Variants in PCGF1 observed in about 807,000 individuals in gnomAD.
The protein encoded by PCGF1 is polycomb group ring finger 1, also known as polycomb group RING finger protein 1.
Under a neutral mutation model 38.8 loss-of-function variants are expected in PCGF1, and 10 were observed. The ratio of observed to expected loss-of-function variants is 0.26; its 90% CI spans 0.16 to 0.44. PCGF1 has a LOEUF of 0.44. PCGF1 is among the 20% of genes least tolerant of loss of function. The pLI is 1.00. For missense variants in PCGF1, 230 were observed against 331.5 expected (o/e 0.69, Z 2.38); for synonymous variants, 119 against 121.3 (o/e 0.98, Z 0.12).
At chr2:74,507,294 G>C (rs1674662493) in intron 1 of PCGF1, 147 bp from the exon 2 acceptor site, 3 of 1,467,546 alleles carry the variant, frequency 2.0e-6, no homozygotes, top group Admixed American at 4.4e-5. Context: ...CTGGGGGCTG[G>C]CACTCCCCCT....
intron 3 of PCGF1, 135 bp from the exon 4 acceptor site, chr2:74,506,387 C>A: frequency 1.2e-6 from 1 of 809,152 alleles, no homozygotes; most frequent in Non-Finnish European, 2.0e-6. Flanking sequence ...GCCATCCTGG[C>A]TAACATGGTG....
In PCGF1 at chr2:74,505,196, G is replaced by A; in HGVS notation, c.733-6C>T. Reference sequence around the variant, plus strand: ...TGTAAAAGCAAAGGGGATGGCTAAGGAGAGAATGAGGAAGTAGTAGTCAGT... The same window carrying A: ...TGTAAAAGCAAAGGGGATGGCTAAGAAGAGAATGAGGAAGTAGTAGTCAGT... On this transcript the variant is annotated splice_region_variant and splice_polypyrimidine_tract_variant and intron_variant, in intron 8 of 8. Coordinates refer to ENST00000233630, the MANE Select transcript of PCGF1 (RefSeq NM_032673.3). 1 of 1,561,630 alleles carries A rather than the reference G, an allele frequency of 6.4e-7. No homozygotes were observed. Among genetic ancestry groups the A allele is most frequent in the Non-Finnish European group, 8.7e-7 (1 of 1,153,178 alleles).
At chr2:74,506,127 A>G in intron 4 of PCGF1, 54 bp downstream of exon 4, 2 of 1,611,746 alleles carry the variant, frequency 1.2e-6, no homozygotes, top group Non-Finnish European at 1.7e-6. Flanking sequence ...AGAGAGCAAA[A>G]CTGGGCAAGA....
Position 74,507,027 on chromosome 2 carries a change from C to A in PCGF1, c.199+15G>T. On this transcript the variant is annotated intron_variant, in intron 2 of 8. Transcript: ENST00000233630. Reference sequence around the variant, plus strand: ...CTAGGGACTGGAAGAACTAGGCAGTCTCCAAGGCACTCACAAGTATGAAGA... The same window carrying A: ...CTAGGGACTGGAAGAACTAGGCAGTATCCAAGGCACTCACAAGTATGAAGA... 1 of 1,612,194 alleles carries A rather than the reference C, an allele frequency of 6.2e-7. No individual in the cohort carries two copies. The highest frequency in any genetic ancestry group is 8.5e-7 in the Non-Finnish European group (1 of 1,178,222).
chr2:74,505,236 T>C, intron 8 of PCGF1, 46 bp from the exon 9 acceptor site: 1 of 1,567,202 alleles, frequency 6.4e-7, no homozygotes, highest in East Asian at 2.3e-5. Flanking sequence ...AATGTTCTTA[T>C]ATTATTCAAA....
In PCGF1 at chr2:74,506,792, G is replaced by A. The variant is rs1233417549; in HGVS notation, c.292C>T (p.Leu98Phe). 1 of 1,614,072 alleles carries A rather than the reference G, an allele frequency of 6.2e-7. No homozygotes were observed. Among genetic ancestry groups the A allele is most frequent in the Non-Finnish European group, 8.5e-7 (1 of 1,180,036 alleles). Residue 98 changes from leucine to phenylalanine, a missense_variant, in exon 3 of 9, where the codon CTC becomes TTC. Coordinates refer to ENST00000233630, the MANE Select transcript of PCGF1 (RefSeq NM_032673.3). ...TCCTGCATGACCCGGTCCAGTTTGA[G>A]GTTGAGCAGTGGCTGTGTCTCGTGG... is the stretch of plus-strand genomic sequence containing the variant. ...KIHETQPLLN[L>F]KLDRVMQDIV...
At chr2:74,506,543 A>ACTC (rs1480991671) in intron 3 of PCGF1, 189 bp downstream of exon 3, 18 of 670,480 alleles carry the variant, frequency 2.7e-5, no homozygotes, top group Non-Finnish European at 4.3e-5. Flanking sequence ...GCGCCACTGC[A>ACTC]CTCCAGCCTG....
chr2:74,505,449 G>A, intron 7 of PCGF1, 30 bp from the exon 8 acceptor site: 1 of 1,606,026 alleles, frequency 6.2e-7, no homozygotes, highest in Non-Finnish European at 8.5e-7. Flanking sequence ...ATAATTTTAG[G>A]AACTTTCTGG....
intron 6 of PCGF1, 32 bp from the exon 7 acceptor site, chr2:74,505,670 G>A: frequency 6.2e-7 from 1 of 1,614,032 alleles, no homozygotes; most frequent in Non-Finnish European, 8.5e-7. Context: ...AAGAGGGCAA[G>A]GTGTGTGAGG....
Position 74,505,133 on chromosome 2 carries a change from G to T in PCGF1, c.*10C>A. 6.7e-7 allele frequency: 1 copy of T among 1,492,912 alleles called. No individual in the cohort carries two copies. Among genetic ancestry groups the T allele is most frequent in the Non-Finnish European group, 8.9e-7 (1 of 1,119,862 alleles). 92.5% of individuals were successfully genotyped at this position (1,492,912 alleles called of 1,614,324 possible). A position where few individuals can be genotyped will look rare whatever the true frequency, so the allele number is the denominator to read the frequency against. On this transcript the variant is annotated 3_prime_UTR_variant, in exon 9 of 9. Coordinates refer to ENST00000233630, the MANE Select transcript of PCGF1 (RefSeq NM_032673.3). ...GGGAAGGGGAGTGGGATGGGGTGGG[G>T]GCTTGGCCCCTACCTCCTCTTCTCT... is the stretch of plus-strand genomic sequence containing the variant.
Position 74,506,002 on chromosome 2 carries a change from G to A in PCGF1, c.480C>T (p.Ala160=). ...LPFSSFDHSK[A]HYYRYDEQLN... ...ACTGCTCATCATAGCGATAGTAGTG[G>A]GCTTTAGAGTGGTCAAAGCTGCTGA... Residue 160 remains alanine (A), a synonymous_variant, in exon 5 of 9, where the codon GCC becomes GCT. Coordinates refer to ENST00000233630, the MANE Select transcript of PCGF1 (RefSeq NM_032673.3). 1 of 1,614,178 alleles carries A rather than the reference G, an allele frequency of 6.2e-7. No homozygotes were observed. Among genetic ancestry groups the A allele is most frequent in the Non-Finnish European group, 8.5e-7 (1 of 1,180,052 alleles).
chr2:74,507,464 ACTCTGT>A, intron 1 of PCGF1, 106 bp downstream of exon 1: 1 of 1,496,326 alleles, frequency 6.7e-7, no homozygotes, highest in South Asian at 1.3e-5. Flanking sequence ...CGCACTGGGC[ACTCTGT>A]CTCTGCGCAG....
chr2:74,505,468 A>G, intron 7 of PCGF1, 49 bp from the exon 8 acceptor site: 5 of 1,608,592 alleles, frequency 3.1e-6, no homozygotes, highest in Non-Finnish European at 4.3e-6. Flanking sequence ...GGCAGGTCAA[A>G]AACTACCCTG....
intron 1 of PCGF1, 131 bp downstream of exon 1, chr2:74,507,445 C>A (rs1674667274): frequency 1.4e-6 from 2 of 1,470,444 alleles, no homozygotes; most frequent in Non-Finnish European, 9.0e-7. Context: ...CCGATCGCAA[C>A]CACGCAGGCG....
chr2:74,506,534 C>A, intron 3 of PCGF1, 198 bp downstream of exon 3: 1 of 643,506 alleles, frequency 1.6e-6, no homozygotes, highest in East Asian at 2.8e-5. Context: ...GCTGAGATTG[C>A]GCCACTGCAC....
intron 1 of PCGF1, 162 bp from the exon 2 acceptor site, chr2:74,507,309 C>T (rs1558595944): frequency 1.4e-6 from 2 of 1,462,476 alleles, no homozygotes; most frequent in Non-Finnish European, 1.8e-6. Flanking sequence ...CCCCCTCCGC[C>T]CAGCAGAGGG....
At chr2:74,507,391 G>C in intron 1 of PCGF1, 185 bp downstream of exon 1, 1 of 1,454,078 alleles carries the variant, frequency 6.9e-7, no homozygotes, top group Non-Finnish European at 9.0e-7. Flanking sequence ...ACTACACAAC[G>C]TCGGCGACAC....
chr2:74,506,797 A>G lies in PCGF1; in HGVS notation c.287T>C (p.Leu96Pro). ...CATGACCCGGTCCAGTTTGAGGTTG[A>G]GCAGTGGCTGTGTCTCGTGGATCTT... ...NIKIHETQPL[L>P]NLKLDRVMQD... The change falls in exon 3 of 9, where the codon CTC becomes CCC. Residue 96 changes from leucine (L) to proline (P), a missense_variant. Transcript: ENST00000233630. 1 of 1,614,182 alleles carries G rather than the reference A, an allele frequency of 6.2e-7. No homozygotes were observed. The highest frequency in any genetic ancestry group is 8.5e-7 in the Non-Finnish European group (1 of 1,180,030).
rs983162110 is a variant in PCGF1 at position 74,506,486 on chromosome 2, G to A, written c.353-234C>T. On this transcript the variant is annotated intron_variant, in intron 3 of 8. Transcript: ENST00000233630. ...CCAGCTACTCAGGAGGCTGAGGCAG[G>A]AGAATGGCATGAATCCAGGAGGTGG... The A allele has an allele frequency of 3.3e-5, 20 of 612,680 alleles. 1 individual carries two copies. The South Asian group carries it at 3.4e-4, about 10-fold the overall frequency. 38.0% of individuals were successfully genotyped at this position (612,680 alleles called of 1,614,324 possible). A position where few individuals can be genotyped will look rare whatever the true frequency, so the allele number is the denominator to read the frequency against.
Sources: allele counts gnomAD v4.1 joint callset, GRCh38; gene constraint gnomAD v4.1.1; transcripts MANE v1.5; gene names NCBI Gene and HGNC (gene_info 2026-07-23, HGNC 2026-07-21).